ATXN1: variants seen among roughly 807,000 people sequenced by gnomAD.
The protein encoded by ATXN1 is ataxin-1.
In ATXN1, 8 loss-of-function variants were observed where a neutral mutation model predicts 56.4. That is an observed-to-expected ratio of 0.14 (90% confidence interval 0.08 to 0.26). The LOEUF (loss-of-function observed/expected upper bound fraction) is 0.26, where lower values mean the gene tolerates loss of function less well. ATXN1 is among the 10% of genes least tolerant of loss of function. The probability of loss-of-function intolerance (pLI) is 1.00; values close to 1 mark genes in which losing one functional copy is unlikely to be tolerated. For synonymous variants in ATXN1, 514 were observed against 494.6 expected (o/e 1.04, Z -0.52); for missense variants, 987 against 1,106.5 (o/e 0.89, Z 1.53).
intron 3 of ATXN1, among the ~76,000 whole-genome samples, chr6:16,593,858 C>CATAT (rs58000476): frequency 0.016 from 2,334 of 143,474 alleles, 38 homozygotes; most frequent in East Asian, 0.023. Flanking sequence ...TGTGTGTGTG[C>CATAT]ATATATATAT....
chr6:16,573,125 T>C (rs1228055393), intron 4 of ATXN1, among the ~76,000 whole-genome samples: 1 of 152,192 alleles, frequency 6.6e-6, no homozygotes, highest in East Asian at 1.9e-4. Flanking sequence ...TGGCCATTCA[T>C]TCAGTCTAGC....
intron 4 of ATXN1, among the ~76,000 whole-genome samples, chr6:16,546,878 C>T (rs1322299826): frequency 6.6e-6 from 1 of 152,144 alleles, no homozygotes; most frequent in Non-Finnish European, 1.5e-5. Context: ...TTATTTTTCA[C>T]ATAAAAATTA....
chr6:16,374,078 A>G lies in ATXN1; in HGVS notation c.-160-45608T>C, dbSNP rs182622636. On this transcript the variant is annotated intron_variant, in intron 6 of 7. Transcript: ENST00000436367. Reference sequence around the variant, plus strand: ...ACTCTAAAAATGTAGTAATCACTCAATAAAATCCTTAGCATCTGCTATATA... The same window carrying G: ...ACTCTAAAAATGTAGTAATCACTCAGTAAAATCCTTAGCATCTGCTATATA... 6.0e-4 allele frequency among the ~76,000 whole-genome samples: 91 copies of G among 152,046 alleles called. 1 individual carries two copies. The East Asian group carries it at 0.014, about 23-fold the overall frequency.
intron 6 of ATXN1, among the ~76,000 whole-genome samples, chr6:16,335,058 C>G (rs1325378884): frequency 6.6e-6 from 1 of 152,226 alleles, no homozygotes; most frequent in Admixed American, 6.5e-5. Context: ...GGGGTCCCTG[C>G]CCTGGTTGGG....
chr6:16,651,970 A>G (rs1051664478), intron 3 of ATXN1: 9 of 152,238 alleles, frequency 5.9e-5, no homozygotes, highest in African/African-American at 2.2e-4. Context: ...AATTGTCACT[A>G]AAGAAGGGGA....
chr6:16,376,403 C>A (rs1352114085), intron 6 of ATXN1, among the ~76,000 whole-genome samples: 1 of 152,194 alleles, frequency 6.6e-6, no homozygotes, highest in Admixed American at 6.5e-5. Context: ...CCTGTCTACC[C>A]ACAGAATTTC....
At chr6:16,343,398 A>T (rs1241229918) in intron 6 of ATXN1, among the ~76,000 whole-genome samples, 4 of 152,084 alleles carry the variant, frequency 2.6e-5, no homozygotes, top group Non-Finnish European at 5.9e-5. Context: ...AACAAACTGC[A>T]TTTCTGTTTT....
chr6:16,391,349 A>G (rs1758352657), intron 6 of ATXN1, among the ~76,000 whole-genome samples: 1 of 152,082 alleles, frequency 6.6e-6, no homozygotes, highest in Non-Finnish European at 1.5e-5. Flanking sequence ...GTTCTCAAAC[A>G]TGGCTGCCCA....
intron 6 of ATXN1, among the ~76,000 whole-genome samples, chr6:16,402,242 GTTTTTTTTTTTTT>G (rs58048762): frequency 4.8e-5 from 3 of 62,118 alleles, no homozygotes; most frequent in Non-Finnish European, 5.7e-5. Context: ...ACCACTGACA[GTTTTTTTTTTTTT>G]TTTTTTTTTT....
At chr6:16,572,996 A>C (rs571360399) in intron 4 of ATXN1, among the ~76,000 whole-genome samples, 3 of 152,236 alleles carry the variant, frequency 2.0e-5, no homozygotes, top group African/African-American at 7.2e-5. Flanking sequence ...TATCAAGAGG[A>C]CAGAAGTGTC....
At position 16,366,924 on chromosome 6, in the gene ATXN1, A is replaced by G. The variant is rs1048944830; in HGVS notation, c.-160-38454T>C. 2.4e-4 allele frequency among the ~76,000 whole-genome samples: 37 copies of G among 152,224 alleles called. 1 individual carries two copies. The highest frequency in any genetic ancestry group is 4.1e-4 in the Non-Finnish European group (28 of 68,050). ...TAATGAGCTATGAAATGGGGAACTT[A>G]AAAAAATTACAAATGTGCAATTTCC... On this transcript the variant is annotated intron_variant, in intron 6 of 7. Transcript: ENST00000436367.
chr6:16,321,942 C>T (rs1367184660), intron 7 of ATXN1, among the ~76,000 whole-genome samples: 1 of 152,194 alleles, frequency 6.6e-6, no homozygotes, highest in Non-Finnish European at 1.5e-5. Flanking sequence ...TCATACGTGG[C>T]CGGGCGCCGT....
At chr6:16,452,506 T>C (rs1157698249) in intron 6 of ATXN1, among the ~76,000 whole-genome samples, 1 of 152,194 alleles carries the variant, frequency 6.6e-6, no homozygotes, top group Non-Finnish European at 1.5e-5. Flanking sequence ...AAAAAGCCAG[T>C]GGGACAGTCA....
At chr6:16,621,385 C>A (rs1763316947) in intron 3 of ATXN1, among the ~76,000 whole-genome samples, 1 of 152,162 alleles carries the variant, frequency 6.6e-6, no homozygotes, top group African/African-American at 2.4e-5. Flanking sequence ...ACAGAAATAG[C>A]CCTAAAAGGA....
In ATXN1 at chr6:16,327,183, C is replaced by A. The variant is rs142404162; in HGVS notation, c.1128G>T (p.Ser376=). 4 of 1,613,942 alleles carry A rather than the reference C, an allele frequency of 2.5e-6. No individual in the cohort carries two copies. Among genetic ancestry groups the A allele is most frequent in the Non-Finnish European group, 3.4e-6 (4 of 1,180,020 alleles). The stretch of plus-strand genomic sequence containing the variant: ...GGACCATCACAGAGGCCCGGACCCC[C>A]GAAGGATCACGACTGCTGTAGTCTG... ...SPSDYSSRDP[S]GVRASVMVLP... The change falls in exon 7 of 8, where the codon TCG becomes TCT. Residue 376 remains serine (S), a synonymous_variant. Coordinates refer to ENST00000436367, the MANE Select transcript of ATXN1 (RefSeq NM_001128164.2).
chr6:16,416,360 T>C (rs1301044460), intron 6 of ATXN1, among the ~76,000 whole-genome samples: 1 of 152,264 alleles, frequency 6.6e-6, no homozygotes, highest in Non-Finnish European at 1.5e-5. Flanking sequence ...GGCTCAATAA[T>C]TAATACTGCA....
intron 6 of ATXN1, among the ~76,000 whole-genome samples, chr6:16,380,752 C>T (rs1436528602): frequency 1.3e-5 from 2 of 152,084 alleles, no homozygotes; most frequent in African/African-American, 4.8e-5. Flanking sequence ...ACTCATCTCC[C>T]CAAAAAGGCA....
intron 6 of ATXN1, among the ~76,000 whole-genome samples, chr6:16,428,970 C>T (rs1045980447): frequency 5.3e-5 from 8 of 151,656 alleles, no homozygotes; most frequent in African/African-American, 9.7e-5. Flanking sequence ...GCGATGAACA[C>T]GCACAGAACA....
chr6:16,614,140 T>C (rs1763163001), intron 3 of ATXN1, among the ~76,000 whole-genome samples: 1 of 151,714 alleles, frequency 6.6e-6, no homozygotes, highest in Admixed American at 6.6e-5. Flanking sequence ...AGCTGCTATA[T>C]GTCAGCTTGC....
Sources: gnomAD v4.1 joint callset for allele counts (sites outside exome capture counted in the v4.1 genomes callset) on GRCh38, gnomAD v4.1.1 for gene constraint, MANE v1.5 for transcripts, NCBI Gene and HGNC (gene_info 2026-07-23, HGNC 2026-07-21) for gene names.